The following LYST variants were observed in gnomAD, a reference collection of about 807,000 sequenced individuals.
LYST encodes lysosomal trafficking regulator.
LYST carries 192 observed loss-of-function variants against 413.6 expected under a neutral mutation model. That is an observed-to-expected ratio of 0.46 (90% CI 0.41 to 0.52). The LOEUF is 0.52. Among genes scored for constraint, LYST ranks in the 20% least tolerant of loss-of-function variants. The pLI is 0.00. For missense variants in LYST, 3,815 were observed against 4,499.9 expected (o/e 0.85, Z 4.35); for synonymous variants, 1,525 against 1,567.3 (o/e 0.97, Z 0.64).
At chr1:235,716,681 T>C in intron 41 of LYST, 31 bp downstream of exon 41, 1 of 1,422,644 alleles carries the variant, frequency 7.0e-7, no homozygotes, top group Middle Eastern at 1.8e-4. Flanking sequence ...AATTTTTCAT[T>C]TAATAAAGTA....
Position 235,773,839 on chromosome 1 carries a change from T to C in LYST, c.5784+3A>G. On this transcript the variant is annotated splice_donor_region_variant and intron_variant, in intron 19 of 52. Transcript: ENST00000389793. ...AAATGGAAAAAAAGTACATATTACA[T>C]GCCTCTGCTTTACTCCATATCTTCC... The C allele has an allele frequency of 1.2e-6, 2 of 1,610,672 alleles. No individual in the cohort carries two copies. The highest frequency in any genetic ancestry group is 2.2e-5 in the East Asian group (1 of 44,674).
intron 1 of LYST, chr1:235,839,503 ATCAGT>A (rs564590894): frequency 1.3e-4 from 19 of 151,970 alleles, no homozygotes; most frequent in Non-Finnish European, 2.8e-4. Flanking sequence ...TTATTTAAAA[ATCAGT>A]TCATGCTGGG....
At chr1:235,882,779 T>G (rs781526244) in intron 1 of LYST, among the ~76,000 whole-genome samples, 4 of 152,152 alleles carry the variant, frequency 2.6e-5, no homozygotes, top group Admixed American at 6.6e-5. Context: ...ATGTTCAGTT[T>G]CATGTGCCTT....
intron 50 of LYST, among the ~76,000 whole-genome samples, chr1:235,665,135 C>A (rs1389488056): frequency 6.6e-6 from 1 of 151,708 alleles, no homozygotes; most frequent in Admixed American, 6.6e-5. Context: ...AGACAATAAC[C>A]AGCGAAAAAA....
At chr1:235,778,121 A>ATATATATTTT (rs1039912155) in intron 16 of LYST, among the ~76,000 whole-genome samples, 2 of 145,300 alleles carry the variant, frequency 1.4e-5, no homozygotes, top group African/African-American at 5.3e-5. Context: ...ATATATATAT[A>ATATATATTTT]TTTTTGTAGA....
At chr1:235,792,690 T>C (rs1671142802) in intron 11 of LYST, among the ~76,000 whole-genome samples, 1 of 144,838 alleles carries the variant, frequency 6.9e-6, no homozygotes, top group African/African-American at 2.6e-5. Context: ...TGAGATGCAG[T>C]TTAGCTCTTG....
At chr1:235,816,216 T>A (rs773473576) in intron 3 of LYST, among the ~76,000 whole-genome samples, 1 of 132,414 alleles carries the variant, frequency 7.6e-6, no homozygotes, top group Non-Finnish European at 1.5e-5. Context: ...CCAAGGCAGG[T>A]AGATCACAAG....
intron 1 of LYST, among the ~76,000 whole-genome samples, chr1:235,841,538 T>G (rs920316814): frequency 6.6e-6 from 1 of 152,162 alleles, no homozygotes; most frequent in African/African-American, 2.4e-5. Context: ...GGGTCTTTTT[T>G]GTTTCTTTCT....
At chr1:235,683,954 G>C (rs1459104310) in intron 48 of LYST, among the ~76,000 whole-genome samples, 3 of 152,158 alleles carry the variant, frequency 2.0e-5, no homozygotes, top group Non-Finnish European at 4.4e-5. Flanking sequence ...TACTAAGTTA[G>C]ATTTTTTGGC....
intron 3 of LYST, among the ~76,000 whole-genome samples, chr1:235,824,621 T>A (rs572595542): frequency 2.6e-5 from 4 of 152,256 alleles, no homozygotes; most frequent in Admixed American, 2.6e-4. Context: ...TTAAAAAGAA[T>A]GTTTTTGATA....
chr1:235,692,387 CTT>C (rs907208254), intron 47 of LYST, among the ~76,000 whole-genome samples: 2 of 147,430 alleles, frequency 1.4e-5, no homozygotes, highest in African/African-American at 2.5e-5. Context: ...CAGTCTGACT[CTT>C]TTTTTTTTAA....
intron 52 of LYST, among the ~76,000 whole-genome samples, chr1:235,663,282 C>T (rs566368650): frequency 1.6e-4 from 24 of 152,232 alleles, no homozygotes; most frequent in African/African-American, 5.3e-4. Flanking sequence ...CTCATAAATG[C>T]GGTGATATAG....
At chr1:235,843,138 TGA>T (rs577715014) in intron 1 of LYST, among the ~76,000 whole-genome samples, 81 of 152,294 alleles carry the variant, frequency 5.3e-4, no homozygotes, top group African/African-American at 1.9e-3. Flanking sequence ...CCTAGGTGGC[TGA>T]GTTTCCTTTT....
In LYST at chr1:235,728,234, T is replaced by C. The variant is rs1664068062; in HGVS notation, c.9107-103A>G. 9.7e-6 allele frequency: 8 copies of C among 822,798 alleles called. No homozygotes were observed. In the East Asian group the frequency reaches 2.0e-4, roughly 20 times the overall value. 51.0% of individuals were successfully genotyped at this position (822,798 alleles called of 1,614,324 possible). A position where few individuals can be genotyped will look rare whatever the true frequency, so the allele number is the denominator to read the frequency against. On this transcript the variant is annotated intron_variant, in intron 37 of 52. Coordinates refer to ENST00000389793, the MANE Select transcript of LYST (RefSeq NM_000081.4). ...GAGTCCTTTGGTCTGAATTTGAATC[T>C]CACTACCTCGACACAGTTCCTGGCA...
intron 17 of LYST, 113 bp downstream of exon 17, chr1:235,776,950 A>G: frequency 1.2e-6 from 1 of 837,808 alleles, no homozygotes; most frequent in Non-Finnish European, 1.9e-6. Context: ...TTATGTTAAA[A>G]GTTTAATATA....
intron 3 of LYST, among the ~76,000 whole-genome samples, chr1:235,815,536 A>G (rs955274968): frequency 6.6e-6 from 1 of 152,142 alleles, no homozygotes; most frequent in African/African-American, 2.4e-5. Flanking sequence ...TTTTTCATAG[A>G]AAGCAAGACA....
At chr1:235,692,387 CTTTTTT>C (rs907208254) in intron 47 of LYST, among the ~76,000 whole-genome samples, 1 of 147,432 alleles carries the variant, frequency 6.8e-6, no homozygotes, top group Non-Finnish European at 1.5e-5. Flanking sequence ...CAGTCTGACT[CTTTTTT>C]TTTTAAGATG....
chr1:235,706,033 TC>T (rs1330212238), intron 44 of LYST, among the ~76,000 whole-genome samples: 1 of 152,144 alleles, frequency 6.6e-6, no homozygotes, highest in Non-Finnish European at 1.5e-5. Context: ...CCTCAAATGA[TC>T]CACACGCCTC....
Position 235,664,362 on chromosome 1 carries a change from C to G in LYST, c.11195+103G>C. On this transcript the variant is annotated intron_variant, in intron 51 of 52. Coordinates refer to ENST00000389793, the MANE Select transcript of LYST (RefSeq NM_000081.4). The surrounding 1 kb of genome is among the most constrained non-coding windows in gnomAD (Gnocchi z 4.5). ...TACACCCCAAGGTGAGTTTAAATCT[C>G]TAAATACTGAATATTAATATGCCTA... 1 of 1,115,116 alleles carries G rather than the reference C, an allele frequency of 9.0e-7. No homozygotes were observed. The highest frequency in any genetic ancestry group is 1.3e-6 in the Non-Finnish European group (1 of 753,176). The allele number at this position is 1,115,116 out of a possible 1,614,324, so 69.1% of individuals were successfully genotyped here.
Sources: gnomAD v4.1 joint callset for allele counts (sites outside exome capture counted in the v4.1 genomes callset) on GRCh38, gnomAD v4.1.1 for gene constraint, Gnocchi (gnomAD v3.1) non-coding constraint, MANE v1.5 for transcripts, NCBI Gene and HGNC (gene_info 2026-07-23, HGNC 2026-07-21) for gene names.